Variants in ANKS1B observed in about 807,000 individuals in gnomAD.
ANKS1B encodes the protein ankyrin repeat and sterile alpha motif domain containing 1B, also known as ankyrin repeat and sterile alpha motif domain-containing protein 1B.
Under a neutral mutation model 148.3 loss-of-function variants are expected in ANKS1B, and 36 were observed. The observed-to-expected ratio is 0.24, with a 90% CI of 0.19 to 0.32. The LOEUF (loss-of-function observed/expected upper bound fraction) is 0.32, where lower values mean the gene tolerates loss of function less well. Ranked by LOEUF, ANKS1B falls within the 10% of genes least tolerant of loss-of-function variation. The probability of loss-of-function intolerance (pLI) is 1.00; values close to 1 mark genes in which losing one functional copy is unlikely to be tolerated. For synonymous variants in ANKS1B, 542 were observed against 560.8 expected (o/e 0.97, Z 0.47); for missense variants, 1,157 against 1,542.6 (o/e 0.75, Z 4.19).
At chr12:99,375,719 G>C (rs2093363110) in intron 12 of ANKS1B, among the ~76,000 whole-genome samples, 3 of 151,784 alleles carry the variant, frequency 2.0e-5, no homozygotes, top group African/African-American at 7.3e-5. Flanking sequence ...ATGGGACAAA[G>C]GCTTTATAGC....
intron 1 of ANKS1B, among the ~76,000 whole-genome samples, chr12:99,837,594 AC>A (rs1424040767): frequency 1.3e-5 from 2 of 152,120 alleles, no homozygotes; most frequent in Non-Finnish European, 2.9e-5. Flanking sequence ...GGCTTTTATA[AC>A]CCCTGGATTT....
chr12:98,939,167 T>C (rs966394287), intron 17 of ANKS1B, among the ~76,000 whole-genome samples: 2 of 152,240 alleles, frequency 1.3e-5, no homozygotes, highest in African/African-American at 4.8e-5. Context: ...CAAGTTTCTA[T>C]GAAGATGTTT....
intron 1 of ANKS1B, among the ~76,000 whole-genome samples, chr12:99,928,271 A>ATTTTTT (rs763106581): frequency 9.1e-5 from 9 of 99,058 alleles, no homozygotes; most frequent in Non-Finnish European, 1.6e-4. Context: ...ATTTTATTTT[A>ATTTTTT]TTTTTTTTTT....
At chr12:99,556,356 A>C (rs992179115) in intron 9 of ANKS1B, among the ~76,000 whole-genome samples, 2 of 151,984 alleles carry the variant, frequency 1.3e-5, no homozygotes, top group African/African-American at 2.4e-5. Flanking sequence ...TGGGTCTATC[A>C]AACTTATTTA....
chr12:99,100,745 G>A lies in ANKS1B; in HGVS notation c.2527-15722C>T, dbSNP rs370941039. 8.9e-4 allele frequency among the ~76,000 whole-genome samples: 136 copies of A among 152,286 alleles called. 1 individual carries two copies. Among genetic ancestry groups the A allele is most frequent in the African/African-American group, 3.1e-3 (130 of 41,558 alleles). On this transcript the variant is annotated intron_variant, in intron 15 of 26. Coordinates refer to ENST00000683438, the MANE Select transcript of ANKS1B (RefSeq NM_001352186.2). ...GGGTTTTGCCATGTTGGCCACGCTG[G>A]TCTCAAACTCCTGACCTCAAATGAT...
intron 8 of ANKS1B, among the ~76,000 whole-genome samples, chr12:99,725,720 C>A (rs1272411600): frequency 6.6e-6 from 1 of 152,132 alleles, no homozygotes; most frequent in African/African-American, 2.4e-5. Flanking sequence ...CAGTGCATGG[C>A]ATTTATTCTC....
intron 9 of ANKS1B, among the ~76,000 whole-genome samples, chr12:99,632,727 CTATATATATATATA>C (rs3081654): frequency 0.064 from 2,499 of 39,036 alleles, 201 homozygotes; most frequent in African/African-American, 0.087. Flanking sequence ...CCTTTTCTTT[CTATATATATATATA>C]TATATATATA....
chr12:99,438,740 C>T (rs561066613), intron 11 of ANKS1B, among the ~76,000 whole-genome samples: 183 of 151,934 alleles, frequency 1.2e-3, no homozygotes, highest in African/African-American at 3.7e-3. Flanking sequence ...CAAGAGTACA[C>T]GCAATAAACT....
rs145480129 is a variant in ANKS1B, at chr12:99,116,052, T to G, written c.2527-31029A>C. Among the ~76,000 whole-genome samples the G allele has an allele frequency of 7.0e-3, 1,066 of 152,306 alleles. 13 individuals are homozygous for G. The highest frequency in any genetic ancestry group is 0.046 in the South Asian group (220 of 4,832). ...TTACTTAATCTCTCTGTCCTTCAAT[T>G]TCCTCATCATTAAACTGGGGATACC... On this transcript the variant is annotated intron_variant, in intron 15 of 26. Coordinates refer to ENST00000683438, the MANE Select transcript of ANKS1B (RefSeq NM_001352186.2).
intron 17 of ANKS1B, among the ~76,000 whole-genome samples, chr12:98,983,289 T>C (rs2099917130): frequency 6.6e-6 from 1 of 152,142 alleles, no homozygotes; most frequent in South Asian, 2.1e-4. Context: ...CTGAAGCCCC[T>C]TTTCCTGCTG....
chr12:99,038,390 CCTGACT>C (rs2099956825), intron 17 of ANKS1B, among the ~76,000 whole-genome samples: 1 of 152,128 alleles, frequency 6.6e-6, no homozygotes, highest in African/African-American at 2.4e-5. Context: ...CCTTGTAAAT[CCTGACT>C]CAGATATTCT....
intron 17 of ANKS1B, among the ~76,000 whole-genome samples, chr12:99,045,052 T>C (rs1168028159): frequency 6.6e-6 from 1 of 152,176 alleles, no homozygotes; most frequent in African/African-American, 2.4e-5. Context: ...AATTTTCAAA[T>C]AATGGAAGCT....
Position 99,634,791 on chromosome 12 carries a change from A to G in ANKS1B, c.1272+20276T>C, listed in dbSNP as rs113237645. 3.2e-3 allele frequency among the ~76,000 whole-genome samples: 495 copies of G among 152,342 alleles called. 1 individual carries two copies. The highest frequency in any genetic ancestry group is 0.01 in the Middle Eastern group (3 of 294). ...GATAAATTGGACTACATCAACCTTT[A>G]AAACTGTGCGTCAAGGGGACACAAT... On this transcript the variant is annotated intron_variant, in intron 9 of 26. Transcript: ENST00000683438.
At chr12:99,509,059 T>A (rs1438443878) in intron 9 of ANKS1B, among the ~76,000 whole-genome samples, 1 of 151,908 alleles carries the variant, frequency 6.6e-6, no homozygotes, top group Non-Finnish European at 1.5e-5. Flanking sequence ...GTTACTGTTG[T>A]AATTGTTTTG....
Position 99,043,228 on chromosome 12 carries a change from A to G in ANKS1B, c.2778+9929T>C, listed in dbSNP as rs2099960229. ...ATACTCTCCTAGAGAATATATGCAT[A>G]TTTAAAAGGACACTGTTATTCAAAT... On this transcript the variant is annotated intron_variant, in intron 17 of 26. Transcript: ENST00000683438. Among the ~76,000 whole-genome samples, 2 of 152,226 alleles carry G rather than the reference A, an allele frequency of 1.3e-5. 1 individual carries two copies. Among genetic ancestry groups the G allele is most frequent in the South Asian group, 4.1e-4 (2 of 4,834 alleles).
chr12:98,831,761 A>T (rs2099317699), intron 18 of ANKS1B: 2 of 404,634 alleles, frequency 4.9e-6, no homozygotes, highest in Admixed American at 7.3e-5. Context: ...ACTACATAAA[A>T]TAATTCTTTT....
chr12:99,885,539 G>A (rs1467802099), intron 1 of ANKS1B, among the ~76,000 whole-genome samples: 4 of 151,970 alleles, frequency 2.6e-5, no homozygotes, highest in Non-Finnish European at 4.4e-5. Context: ...TCCTGACCTC[G>A]TGATCCGCCC....
chr12:99,250,900 C>A (rs1204962343), intron 12 of ANKS1B, among the ~76,000 whole-genome samples: 34 of 152,272 alleles, frequency 2.2e-4, no homozygotes, highest in Admixed American at 1.9e-3. Flanking sequence ...AGGTAGCTTA[C>A]AAACAACAGA....
intron 1 of ANKS1B, among the ~76,000 whole-genome samples, chr12:99,839,911 C>T (rs886695615): frequency 6.6e-6 from 1 of 151,610 alleles, no homozygotes; most frequent in Non-Finnish European, 1.5e-5. Context: ...CTTTTAATTA[C>T]TGCTGCTAGT....
Sources: allele counts gnomAD v4.1 joint callset (sites outside exome capture counted in the v4.1 genomes callset), GRCh38; gene constraint gnomAD v4.1.1; transcripts MANE v1.5; gene names NCBI Gene and HGNC (gene_info 2026-07-23, HGNC 2026-07-21).